The following MIPEP variants were observed in gnomAD, a reference collection of about 807,000 sequenced individuals.
The protein encoded by MIPEP is mitochondrial intermediate peptidase.
MIPEP carries 79 observed loss-of-function variants against 90.3 expected under a neutral mutation model. That is an observed-to-expected ratio of 0.87 (90% CI 0.73 to 1.05). The LOEUF is 1.05. MIPEP is among the 50% of genes least tolerant of loss of function. The probability of loss-of-function intolerance (pLI) is 0.00; values close to 1 mark genes in which losing one functional copy is unlikely to be tolerated. For synonymous variants in MIPEP, 334 were observed against 315.8 expected, an observed-to-expected ratio of 1.06 and a Z score of -0.61; for missense variants, 940 against 905.6, an observed-to-expected ratio of 1.04 and a Z score of -0.49.
At chr13:23,773,329 T>A (rs901751100) in intron 16 of MIPEP, among the ~76,000 whole-genome samples, 1 of 152,248 alleles carries the variant, frequency 6.6e-6, no homozygotes, top group African/African-American at 2.4e-5. Context: ...CAATTTTCCA[T>A]TGAGTGGATA....
At chr13:23,732,634 A>T (rs923341899) in intron 18 of MIPEP, among the ~76,000 whole-genome samples, 3 of 152,244 alleles carry the variant, frequency 2.0e-5, no homozygotes, top group Non-Finnish European at 4.4e-5. Flanking sequence ...TCTCAAAAAC[A>T]TTATGCTGAG....
chr13:23,791,871 C>A (rs544633505), intron 16 of MIPEP, among the ~76,000 whole-genome samples: 22 of 152,306 alleles, frequency 1.4e-4, no homozygotes, highest in African/African-American at 5.3e-4. Flanking sequence ...GTCCCACCAA[C>A]CACTCAACTG....
intron 10 of MIPEP, among the ~76,000 whole-genome samples, chr13:23,854,883 T>C (rs1364991346): frequency 8.0e-5 from 11 of 136,708 alleles, no homozygotes; most frequent in African/African-American, 3.2e-4. Flanking sequence ...CAGAGGAAGA[T>C]TCTGTCTCAA....
At chr13:23,797,172 G>A (rs1018800120) in intron 16 of MIPEP, among the ~76,000 whole-genome samples, 1 of 152,066 alleles carries the variant, frequency 6.6e-6, no homozygotes, top group South Asian at 2.1e-4. Flanking sequence ...GCCCTTTGAC[G>A]GACACACCTC....
At chr13:23,799,995 A>C (rs958980304) in intron 16 of MIPEP, among the ~76,000 whole-genome samples, 1 of 152,216 alleles carries the variant, frequency 6.6e-6, no homozygotes, top group African/African-American at 2.4e-5. Flanking sequence ...GAGGTCACTA[A>C]AGGGCAAAAA....
chr13:23,864,053 C>T (rs1870424716), intron 8 of MIPEP, 88 bp downstream of exon 8: 1 of 739,614 alleles, frequency 1.4e-6, no homozygotes, highest in Non-Finnish European at 2.2e-6. Flanking sequence ...TATTCTAGGT[C>T]ACTTCCTAAT....
At chr13:23,885,622 G>A (rs1871443978) in intron 2 of MIPEP, among the ~76,000 whole-genome samples, 1 of 150,816 alleles carries the variant, frequency 6.6e-6, no homozygotes. Context: ...TGCTATCTCA[G>A]CAATGGATTT....
At chr13:23,853,123 G>T (rs966103985) in intron 10 of MIPEP, among the ~76,000 whole-genome samples, 10 of 152,098 alleles carry the variant, frequency 6.6e-5, no homozygotes, top group African/African-American at 2.2e-4. Context: ...AAAGTTACAG[G>T]AAGCAAAAGT....
chr13:23,785,328 T>C (rs1952826689), intron 16 of MIPEP, among the ~76,000 whole-genome samples: 1 of 152,172 alleles, frequency 6.6e-6, no homozygotes, highest in Non-Finnish European at 1.5e-5. Context: ...GATGAGTTCA[T>C]GTCCTTTGTA....
intron 14 of MIPEP, among the ~76,000 whole-genome samples, chr13:23,817,539 G>A (rs548581789): frequency 7.2e-5 from 11 of 152,062 alleles, no homozygotes; most frequent in South Asian, 2.1e-4. Flanking sequence ...GTAGCCCCCC[G>A]ATAAAGTCTG....
At chr13:23,827,831 T>C (rs1408373742) in intron 14 of MIPEP, among the ~76,000 whole-genome samples, 1 of 152,178 alleles carries the variant, frequency 6.6e-6, no homozygotes, top group East Asian at 1.9e-4. Context: ...CTCAGGAGGC[T>C]GAGGCGGGAG....
intron 12 of MIPEP, among the ~76,000 whole-genome samples, chr13:23,838,080 T>C (rs142825635): frequency 6.6e-6 from 1 of 152,284 alleles, no homozygotes; most frequent in East Asian, 1.9e-4. Flanking sequence ...ACACTAACAT[T>C]TATTCTGAGT....
intron 10 of MIPEP, among the ~76,000 whole-genome samples, chr13:23,845,076 G>A (rs1218484566): frequency 6.6e-6 from 1 of 152,046 alleles, no homozygotes; most frequent in Non-Finnish European, 1.5e-5. Context: ...TAAACTTTAT[G>A]TATATATAAA....
chr13:23,766,494 AC>A (rs1952592292), intron 16 of MIPEP, among the ~76,000 whole-genome samples: 1 of 152,160 alleles, frequency 6.6e-6, no homozygotes, highest in Admixed American at 6.5e-5. Flanking sequence ...TAAAAAAGAT[AC>A]TCCAGAAGTG....
At chr13:23,797,927 A>G (rs749839085) in intron 16 of MIPEP, among the ~76,000 whole-genome samples, 12 of 152,222 alleles carry the variant, frequency 7.9e-5, no homozygotes, top group South Asian at 4.1e-4. Flanking sequence ...GATGTCTGAC[A>G]GGACAGCCAG....
At chr13:23,874,784 T>C in intron 5 of MIPEP, 62 bp downstream of exon 5, 1 of 1,366,910 alleles carries the variant, frequency 7.3e-7, no homozygotes, top group Non-Finnish European at 1.0e-6. Context: ...ACTGTAGCAA[T>C]AATGGTATCA....
intron 7 of MIPEP, 100 bp downstream of exon 7, chr13:23,869,192 T>G (rs1404646892): frequency 1.9e-6 from 2 of 1,054,748 alleles, no homozygotes; most frequent in East Asian, 5.0e-5. Context: ...GTTCTCTACA[T>G]GTATTAAAAA....
intron 14 of MIPEP, among the ~76,000 whole-genome samples, chr13:23,832,631 G>A (rs1868824345): frequency 6.6e-6 from 1 of 152,128 alleles, no homozygotes; most frequent in Non-Finnish European, 1.5e-5. Flanking sequence ...AAATCTACAA[G>A]CACTGAGAAG....
intron 18 of MIPEP, among the ~76,000 whole-genome samples, chr13:23,750,476 A>G (rs7988479): frequency 0.89 from 135,633 of 152,224 alleles, 62,538 homozygotes; most frequent in Non-Finnish European, 1. Flanking sequence ...TGTGTCTGGC[A>G]TTTTTCTCAT....
Sources: gnomAD v4.1 joint callset for allele counts (sites outside exome capture counted in the v4.1 genomes callset) on GRCh38, gnomAD v4.1.1 for gene constraint, MANE v1.5 for transcripts, NCBI Gene and HGNC (gene_info 2026-07-23, HGNC 2026-07-21) for gene names.